RHOH: variants seen among roughly 807,000 people sequenced by gnomAD.
RHOH encodes the protein rho-related GTP-binding protein RhoH.
A neutral mutation model predicts 13.8 loss-of-function variants in RHOH; 6 were observed. The ratio of observed to expected loss-of-function variants is 0.44; its 90% confidence interval spans 0.24 to 0.86. The LOEUF (loss-of-function observed/expected upper bound fraction) is 0.86, where lower values mean the gene tolerates loss of function less well. Ranked by LOEUF, RHOH falls within the 40% of genes least tolerant of loss-of-function variation. The pLI is 0.24. For synonymous variants in RHOH, 117 were observed against 103.0 expected (o/e 1.14, Z -0.82); for missense variants, 147 against 244.5 (o/e 0.60, Z 2.66).
At chr4:40,210,833 T>A (rs557602861) in intron 1 of RHOH, among the ~76,000 whole-genome samples, 1 of 152,190 alleles carries the variant, frequency 6.6e-6, no homozygotes, top group Non-Finnish European at 1.5e-5. Context: ...TGCAGACATA[T>A]AATTTGTCTA....
chr4:40,244,062 A>G lies in RHOH; in HGVS notation c.*100A>G, dbSNP rs1729592279. The G allele has an allele frequency of 1.0e-6, 1 of 954,380 alleles. No individual in the cohort carries two copies. The highest frequency in any genetic ancestry group is 1.6e-6 in the Non-Finnish European group (1 of 643,048). The allele number at this position is 954,380 out of a possible 1,614,324, so 59.1% of individuals were successfully genotyped here. A position where few individuals can be genotyped will look rare whatever the true frequency, so the allele number is the denominator to read the frequency against. ...GGAAAGCTTGGTGTTTTCTCTGGGTACACCCCAAGCAGCGTCTCCTTTTGG... is the reference window on the plus strand; with the variant it reads ...GGAAAGCTTGGTGTTTTCTCTGGGTGCACCCCAAGCAGCGTCTCCTTTTGG... On this transcript the variant is annotated 3_prime_UTR_variant, in exon 3 of 3. Coordinates refer to ENST00000381799, the MANE Select transcript of RHOH (RefSeq NM_004310.5).
intron 1 of RHOH, among the ~76,000 whole-genome samples, chr4:40,228,695 G>T (rs1395446868): frequency 6.6e-6 from 1 of 152,108 alleles, no homozygotes; most frequent in Non-Finnish European, 1.5e-5. Context: ...ACAGACAAAG[G>T]CTACGTTTAC....
chr4:40,244,220 GAAAT>G lies in RHOH; in HGVS notation c.*260_*263del. On this transcript the variant is annotated 3_prime_UTR_variant, in exon 3 of 3. Transcript: ENST00000381799. ...ATATTCCATCTTTGATTAAAAAAGT[GAAAT>G]AGTCTCCATAATTTTGGACGATGAA... is the stretch of plus-strand genomic sequence containing the variant. The G allele has an allele frequency of 2.7e-6, 1 of 373,570 alleles. No homozygotes were observed. Among genetic ancestry groups the G allele is most frequent in the Non-Finnish European group, 5.0e-6 (1 of 200,524 alleles). The allele number at this position is 373,570 out of a possible 1,614,324, so 23.1% of individuals were successfully genotyped here.
intron 1 of RHOH, among the ~76,000 whole-genome samples, chr4:40,207,284 C>A (rs28709687): frequency 0.031 from 4,669 of 151,912 alleles, 246 homozygotes; most frequent in African/African-American, 0.11. Flanking sequence ...ATAAACATTG[C>A]TTCCTAATGT....
chr4:40,238,299 G>C (rs1728828634), intron 1 of RHOH, among the ~76,000 whole-genome samples: 1 of 152,218 alleles, frequency 6.6e-6, no homozygotes, highest in Admixed American at 6.5e-5. Flanking sequence ...GTGAAGAGCA[G>C]GTCTTTCCAG....
Position 40,218,182 on chromosome 4 carries a change from G to A in RHOH, c.-331+20882G>A, listed in dbSNP as rs750932452. ...CTTTGGAGAACGGAAGGATTTCATC[G>A]AGTCCAAAGGACACTCACCTCTAGG... On this transcript the variant is annotated intron_variant, in intron 1 of 2. Transcript: ENST00000381799. The surrounding 1 kb of genome is among the most constrained non-coding windows in gnomAD (Gnocchi z 4.1). 2.0e-5 allele frequency: 3 copies of A among 152,108 alleles called. No individual in the cohort carries two copies. Among genetic ancestry groups the A allele is most frequent in the Admixed American group, 6.5e-5 (1 of 15,268 alleles). 9.4% of individuals were successfully genotyped at this position (152,108 alleles called of 1,614,324 possible). A position where few individuals can be genotyped will look rare whatever the true frequency, so the allele number is the denominator to read the frequency against.
At chr4:40,192,580 A>T, upstream of RHOH, among the ~76,000 whole-genome samples, 1 of 149,086 alleles carries the variant, frequency 6.7e-6, no homozygotes, top group African/African-American at 2.4e-5. Flanking sequence ...TAGTTGTCAT[A>T]TTATTTAAAA....
At position 40,244,134 on chromosome 4, in the gene RHOH, C is replaced by T. The variant is rs965085960; in HGVS notation, c.*172C>T. ...GGCCACTGGATGTTTTCACTAACTA[C>T]ACTCTACAAGTGAACTCCTTGCCCA... On this transcript the variant is annotated 3_prime_UTR_variant, in exon 3 of 3. Coordinates refer to ENST00000381799, the MANE Select transcript of RHOH (RefSeq NM_004310.5). 2.7e-5 allele frequency: 16 copies of T among 584,962 alleles called. No individual in the cohort carries two copies. Among genetic ancestry groups the T allele is most frequent in the Non-Finnish European group, 4.9e-5 (16 of 326,730 alleles). 36.2% of individuals were successfully genotyped at this position (584,962 alleles called of 1,614,324 possible).
chr4:40,209,386 T>C (rs1724998228), intron 1 of RHOH: 1 of 152,220 alleles, frequency 6.6e-6, no homozygotes, highest in Non-Finnish European at 1.5e-5. Context: ...ATTCAAGTGA[T>C]GAATACAGAC....
intron 1 of RHOH, among the ~76,000 whole-genome samples, chr4:40,226,526 CAA>C (rs892642366): frequency 6.0e-5 from 8 of 133,028 alleles, no homozygotes; most frequent in Admixed American, 7.5e-5. Flanking sequence ...AACTCCATCT[CAA>C]AAAAAAAAAA....
intron 1 of RHOH, among the ~76,000 whole-genome samples, chr4:40,229,479 T>G (rs896841353): frequency 6.6e-6 from 1 of 151,234 alleles, no homozygotes; most frequent in African/African-American, 2.4e-5. Context: ...CTACTAAAAG[T>G]ACAAAATTAG....
In RHOH at chr4:40,243,525, A is replaced by C; in HGVS notation, c.139A>C (p.Met47Leu). 6.2e-7 allele frequency: 1 copy of C among 1,614,000 alleles called. No homozygotes were observed. Among genetic ancestry groups the C allele is most frequent in the Non-Finnish European group, 8.5e-7 (1 of 1,180,004 alleles). Residue 47 changes from methionine to leucine, a missense_variant, in exon 3 of 3, where the codon ATG becomes CTG. Met to Leu is a conservative substitution (Grantham distance 15). This residue lies in a region of RHOH where 80 missense variants were observed against 152.0 expected (regional missense o/e 0.53). Transcript: ENST00000381799. This position sits in a 1 kb window ranked among gnomAD's most constrained non-coding sequence, Gnocchi z 6.2. ...CGAGAACACAGGGGTGGACGTCTTC[A>C]TGGATGGCATCCAGATCAGCCTGGG... ...VYENTGVDVF[M>L]DGIQISLGLW...
chr4:40,235,027 C>G (rs1283827294), intron 1 of RHOH: 1 of 152,080 alleles, frequency 6.6e-6, no homozygotes. Flanking sequence ...TTATTTGTAG[C>G]AATTAGCAAC....
chr4:40,218,809 C>G lies in RHOH; in HGVS notation c.-331+21509C>G, dbSNP rs1374540170. Among the ~76,000 whole-genome samples the G allele has an allele frequency of 6.6e-6, 1 of 152,178 alleles. No individual in the cohort carries two copies. Among genetic ancestry groups the G allele is most frequent in the Non-Finnish European group, 1.5e-5 (1 of 68,038 alleles). On this transcript the variant is annotated intron_variant, in intron 1 of 2. Coordinates refer to ENST00000381799, the MANE Select transcript of RHOH (RefSeq NM_004310.5). This position sits in a 1 kb window ranked among gnomAD's most constrained non-coding sequence, Gnocchi z 4.1. ...AGTGGCTAAATGGCGTAAGCAAGGTCGTGTCACTAGGAGTAGAGCTGGGAT... is the reference window on the plus strand; with the variant it reads ...AGTGGCTAAATGGCGTAAGCAAGGTGGTGTCACTAGGAGTAGAGCTGGGAT...
chr4:40,191,557 T>C (rs574341423), upstream of RHOH, among the ~76,000 whole-genome samples: 1 of 152,368 alleles, frequency 6.6e-6, no homozygotes, highest in Non-Finnish European at 1.5e-5. Flanking sequence ...TGCTCTGCTC[T>C]GACAGACTTT....
upstream of RHOH, among the ~76,000 whole-genome samples, chr4:40,194,449 G>A (rs957158847): frequency 1.3e-5 from 2 of 152,072 alleles, no homozygotes; most frequent in African/African-American, 2.4e-5. Flanking sequence ...GGCTGGTCTC[G>A]AACTCCTGAC....
chr4:40,199,059 T>G (rs953603658), intron 1 of RHOH, among the ~76,000 whole-genome samples: 4 of 152,160 alleles, frequency 2.6e-5, no homozygotes, highest in African/African-American at 9.7e-5. Flanking sequence ...ATTTCTGGGC[T>G]GTGGGAACCT....
chr4:40,197,787 CA>C (rs1353130731), intron 1 of RHOH, among the ~76,000 whole-genome samples: 9 of 152,138 alleles, frequency 5.9e-5, no homozygotes, highest in Non-Finnish European at 1.3e-4. Context: ...GACCATTTCC[CA>C]AAAGTGCTCT....
rs1282339571 is a variant in RHOH, at chr4:40,246,661, T to C, written c.*2699T>C. 6.6e-6 allele frequency: 1 copy of C among 152,264 alleles called. No individual in the cohort carries two copies. Among genetic ancestry groups the C allele is most frequent in the South Asian group, 2.1e-4 (1 of 4,834 alleles). 9.4% of individuals were successfully genotyped at this position (152,264 alleles called of 1,614,324 possible). ...CACAGGGAAGGCAATGGAGGTAAAG[T>C]TGTGTTAAACTGAAATGGAGAGAAA... is the stretch of plus-strand genomic sequence containing the variant. On this transcript the variant is annotated 3_prime_UTR_variant, in exon 3 of 3. Coordinates refer to ENST00000381799, the MANE Select transcript of RHOH (RefSeq NM_004310.5).
Sources: gnomAD v4.1 joint callset for allele counts (sites outside exome capture counted in the v4.1 genomes callset) on GRCh38, gnomAD v4.1.1 for gene constraint, gnomAD v4.1.1 regional missense constraint, Gnocchi (gnomAD v3.1) non-coding constraint, MANE v1.5 for transcripts, NCBI Gene and HGNC (gene_info 2026-07-23, HGNC 2026-07-21) for gene names.